The following ARB2A variants were observed in gnomAD, a reference collection of about 807,000 sequenced individuals.
ARB2A encodes cotranscriptional regulator ARB2A.
chr5:93,931,959 G>A, the ARB2A span, among the ~76,000 whole-genome samples: 1 of 152,136 alleles, frequency 6.6e-6, no homozygotes, highest in African/African-American at 2.4e-5. Context: ...ATAATTATAT[G>A]TTTGTTCATT....
chr5:93,879,823 A>T, the ARB2A span, among the ~76,000 whole-genome samples: 1 of 151,892 alleles, frequency 6.6e-6, no homozygotes, highest in Non-Finnish European at 1.5e-5. Context: ...CCTAATATAC[A>T]ATATCATTTT....
At chr5:93,780,002 T>G in the ARB2A span, among the ~76,000 whole-genome samples, 1 of 152,158 alleles carries the variant, frequency 6.6e-6, no homozygotes, top group South Asian at 2.1e-4. Context: ...TTTAGTATAT[T>G]ATATTTAAAG....
At chr5:94,063,658 A>T in the ARB2A span, among the ~76,000 whole-genome samples, 1 of 152,132 alleles carries the variant, frequency 6.6e-6, no homozygotes, top group Non-Finnish European at 1.5e-5. Flanking sequence ...AGCCCAAGGA[A>T]TAGCCTACCT....
chr5:93,831,552 G>C, the ARB2A span, among the ~76,000 whole-genome samples: 38 of 152,258 alleles, frequency 2.5e-4, 1 homozygote, highest in African/African-American at 8.9e-4. Context: ...TAAAAGCAAG[G>C]AGTAGTTCAG....
At chr5:94,098,824 C>A in the ARB2A span, among the ~76,000 whole-genome samples, 1 of 152,170 alleles carries the variant, frequency 6.6e-6, no homozygotes, top group Non-Finnish European at 1.5e-5. Context: ...GAAACAAAAA[C>A]AAGCATCAGA....
chr5:93,688,731 C>A, the ARB2A span, among the ~76,000 whole-genome samples: 3 of 152,282 alleles, frequency 2.0e-5, no homozygotes, highest in East Asian at 1.9e-4. Flanking sequence ...AAAATATTTT[C>A]TCTGTTAATG....
At chr5:94,028,298 C>T in the ARB2A span, among the ~76,000 whole-genome samples, 1 of 152,346 alleles carries the variant, frequency 6.6e-6, no homozygotes, top group African/African-American at 2.4e-5. Context: ...GGAGGACTGT[C>T]TCTCACAACA....
At chr5:93,985,182 G>A in the ARB2A span, among the ~76,000 whole-genome samples, 1 of 152,144 alleles carries the variant, frequency 6.6e-6, no homozygotes, top group Admixed American at 6.5e-5. Context: ...TAAATGTGCT[G>A]TGTTACTTTA....
the ARB2A span, among the ~76,000 whole-genome samples, chr5:93,952,924 C>T: frequency 6.6e-6 from 1 of 152,252 alleles, no homozygotes; most frequent in South Asian, 2.1e-4. Flanking sequence ...TTGATCAATT[C>T]AGCTATTAAA....
chr5:94,107,951 C>T, the ARB2A span, among the ~76,000 whole-genome samples: 2,295 of 152,226 alleles, frequency 0.015, 58 homozygotes, highest in African/African-American at 0.052. Context: ...CTCTATATTA[C>T]TTTTTTTCAC....
chr5:94,028,760 TTC>T, the ARB2A span, among the ~76,000 whole-genome samples: 1 of 152,198 alleles, frequency 6.6e-6, no homozygotes, highest in African/African-American at 2.4e-5. Context: ...TGGGGTTTTT[TTC>T]TCTGTTTTTA....
chr5:94,093,869 C>T, the ARB2A span, among the ~76,000 whole-genome samples: 1 of 152,120 alleles, frequency 6.6e-6, no homozygotes, highest in Non-Finnish European at 1.5e-5. Flanking sequence ...TTCCAAAATA[C>T]AACGGTGGGA....
chr5:93,697,999 T>TA, the ARB2A span, among the ~76,000 whole-genome samples: 20 of 152,058 alleles, frequency 1.3e-4, no homozygotes, highest in African/African-American at 4.8e-4. Context: ...ATTATTTTAT[T>TA]AAAAAAATGC....
At chr5:93,640,875 T>C in the ARB2A span, among the ~76,000 whole-genome samples, 2 of 152,184 alleles carry the variant, frequency 1.3e-5, no homozygotes, top group African/African-American at 2.4e-5. Flanking sequence ...TTCTTTGCTT[T>C]GTATACTGGC....
the ARB2A span, among the ~76,000 whole-genome samples, chr5:93,714,738 A>G: frequency 6.6e-6 from 1 of 152,190 alleles, no homozygotes; most frequent in East Asian, 1.9e-4. Flanking sequence ...GCTATGGCTT[A>G]TGGCTCCACA....
chr5:93,947,688 C>A, the ARB2A span, among the ~76,000 whole-genome samples: 5 of 123,284 alleles, frequency 4.1e-5, no homozygotes, highest in Non-Finnish European at 8.2e-5. Flanking sequence ...CACAACAGTC[C>A]CCAGAGTGCG....
chr5:93,741,311 C>T, the ARB2A span: 2 of 1,613,478 alleles, frequency 1.2e-6, no homozygotes, highest in East Asian at 2.2e-5. Context: ...GCCTCACTAG[C>T]TCCAAGACGG....
the ARB2A span, among the ~76,000 whole-genome samples, chr5:93,956,189 C>T: frequency 6.6e-6 from 1 of 152,282 alleles, no homozygotes; most frequent in East Asian, 1.9e-4. Flanking sequence ...CCTGAAGTAT[C>T]TAAAATGCAA....
the ARB2A span, among the ~76,000 whole-genome samples, chr5:94,079,789 T>A: frequency 6.6e-6 from 1 of 152,242 alleles, no homozygotes; most frequent in East Asian, 1.9e-4. Flanking sequence ...TCCCAATACT[T>A]TGGCAAAACA....
Sources: allele counts gnomAD v4.1 joint callset (sites outside exome capture counted in the v4.1 genomes callset), GRCh38; gene constraint gnomAD v4.1.1; transcripts MANE v1.5; gene names NCBI Gene and HGNC (gene_info 2026-07-23, HGNC 2026-07-21).